The following AKAP7 variants were observed in gnomAD, a reference collection of about 807,000 sequenced individuals.
AKAP7 encodes the protein A kinase (PRKA) anchor protein 7.
A neutral mutation model predicts 39.5 loss-of-function variants in AKAP7; 39 were observed. The ratio of observed to expected loss-of-function variants is 0.99; its 90% CI spans 0.76 to 1.29. AKAP7 has a LOEUF of 1.29. Among genes scored for constraint, AKAP7 ranks in the 50% most tolerant of loss-of-function variants. The pLI is 0.00. For missense variants in AKAP7, 414 were observed against 407.7 expected, an observed-to-expected ratio of 1.02 and a Z score of -0.13; for synonymous variants, 140 against 139.1, an observed-to-expected ratio of 1.01 and a Z score of -0.05.
chr6:131,134,610 T>C (rs1469854957), upstream of AKAP7, among the ~76,000 whole-genome samples: 1 of 152,236 alleles, frequency 6.6e-6, no homozygotes, highest in Admixed American at 6.5e-5. Flanking sequence ...TTAGGGGAAC[T>C]GGTTGTACTT....
chr6:131,252,262 A>G (rs1812503523), intron 7 of AKAP7, among the ~76,000 whole-genome samples: 1 of 152,198 alleles, frequency 6.6e-6, no homozygotes, highest in Non-Finnish European at 1.5e-5. Flanking sequence ...AAACTTTAAG[A>G]AAAAAATGAA....
chr6:131,220,096 T>C (rs996792957), intron 7 of AKAP7, among the ~76,000 whole-genome samples: 4 of 152,212 alleles, frequency 2.6e-5, no homozygotes, highest in African/African-American at 9.6e-5. Flanking sequence ...TAATTTTATT[T>C]CATGAACATG....
At chr6:131,266,032 G>A (rs911232849) in intron 7 of AKAP7, among the ~76,000 whole-genome samples, 3 of 152,172 alleles carry the variant, frequency 2.0e-5, no homozygotes, top group Non-Finnish European at 4.4e-5. Context: ...GGAAGCAGCT[G>A]GTGGTGAAAG....
chr6:131,277,543 G>A lies in AKAP7; in HGVS notation c.851-3987G>A, dbSNP rs117530438. 6.7e-3 allele frequency among the ~76,000 whole-genome samples: 1,024 copies of A among 152,316 alleles called. 7 individuals carry two copies. The highest frequency in any genetic ancestry group is 0.011 in the Non-Finnish European group (739 of 68,026). ...AATGAGTGTAGCCATTTGTCTGAGAGCTCACTGAGAGACAGATACTTGTCA... is the reference window on the plus strand; with the variant it reads ...AATGAGTGTAGCCATTTGTCTGAGAACTCACTGAGAGACAGATACTTGTCA... On this transcript the variant is annotated intron_variant, in intron 7 of 7. Coordinates refer to ENST00000431975, the MANE Select transcript of AKAP7 (RefSeq NM_016377.4).
chr6:131,250,393 A>G (rs1562243579), intron 7 of AKAP7: 1 of 1,446,868 alleles, frequency 6.9e-7, no homozygotes, highest in African/African-American at 1.4e-5. Context: ...CACGGCAGCA[A>G]GTTCCCTTCT....
chr6:131,271,390 T>G (rs1285650476), intron 7 of AKAP7, among the ~76,000 whole-genome samples: 1 of 152,094 alleles, frequency 6.6e-6, no homozygotes, highest in Non-Finnish European at 1.5e-5. Flanking sequence ...GGATTTTTTT[T>G]GTTTTGTTTT....
upstream of AKAP7, among the ~76,000 whole-genome samples, chr6:131,134,420 T>G (rs978677002): frequency 2.0e-5 from 3 of 152,252 alleles, no homozygotes; most frequent in Admixed American, 2.0e-4. Flanking sequence ...TATGCTGAAG[T>G]GGCATATTTG....
At chr6:131,143,669 T>C (rs1801230905) in intron 1 of AKAP7, among the ~76,000 whole-genome samples, 1 of 152,096 alleles carries the variant, frequency 6.6e-6, no homozygotes, top group Admixed American at 6.5e-5. Flanking sequence ...CAAATTGCAG[T>C]AAAAATGTGT....
At chr6:131,129,804 G>A in the AKAP7 span, among the ~76,000 whole-genome samples, 1 of 152,170 alleles carries the variant, frequency 6.6e-6, no homozygotes, top group African/African-American at 2.4e-5. Context: ...GTCACCAAGG[G>A]TCCCAGTTAG....
chr6:131,197,007 A>T (rs979311840), intron 5 of AKAP7, among the ~76,000 whole-genome samples: 12 of 152,128 alleles, frequency 7.9e-5, no homozygotes, highest in African/African-American at 2.9e-4. Flanking sequence ...ATCCCAAAGT[A>T]TTCTATACTA....
chr6:131,188,535 G>A (rs565914614), intron 5 of AKAP7, among the ~76,000 whole-genome samples: 9 of 152,078 alleles, frequency 5.9e-5, no homozygotes, highest in African/African-American at 1.9e-4. Flanking sequence ...TAGTTTTGTT[G>A]TTGTTGTTGT....
chr6:131,192,521 T>G (rs1190797), intron 5 of AKAP7, among the ~76,000 whole-genome samples: 1 of 152,198 alleles, frequency 6.6e-6, no homozygotes, highest in Non-Finnish European at 1.5e-5. Context: ...TTAAGTAATA[T>G]GATTCCTCCA....
intron 6 of AKAP7, among the ~76,000 whole-genome samples, chr6:131,217,397 C>G (rs1169072838): frequency 6.6e-6 from 1 of 151,880 alleles, no homozygotes; most frequent in African/African-American, 2.4e-5. Context: ...AAATATATTG[C>G]CAAACAAAAA....
In AKAP7 at chr6:131,215,012, TG is replaced by T. The variant is rs75426171; in HGVS notation, c.703-4647del. ...TTATCTGTGGATAATAGTGTTATTG[TG>T]GTTATTAAATGAGTTCAGAAAAGTT... is the stretch of plus-strand genomic sequence containing the variant. On this transcript the variant is annotated intron_variant, in intron 6 of 7. Transcript: ENST00000431975. Among the ~76,000 whole-genome samples the T allele has an allele frequency of 0.014, 2,166 of 152,318 alleles. 145 individuals are homozygous for T. The East Asian group carries it at 0.18, about 12-fold the overall frequency.
At chr6:131,263,229 A>G (rs972170070) in intron 7 of AKAP7, among the ~76,000 whole-genome samples, 1 of 152,222 alleles carries the variant, frequency 6.6e-6, no homozygotes, top group African/African-American at 2.4e-5. Flanking sequence ...AGACCAACTT[A>G]CAGACACCAC....
At chr6:131,270,509 A>G (rs1814179358) in intron 7 of AKAP7, among the ~76,000 whole-genome samples, 2 of 152,210 alleles carry the variant, frequency 1.3e-5, no homozygotes, top group Admixed American at 6.6e-5. Flanking sequence ...ATAATTATGA[A>G]TAAAGCTACT....
At chr6:131,172,246 A>G (rs1804137503) in intron 5 of AKAP7, among the ~76,000 whole-genome samples, 2 of 152,250 alleles carry the variant, frequency 1.3e-5, no homozygotes, top group Non-Finnish European at 2.9e-5. Context: ...TAACAAGAAC[A>G]GTAGAGACAT....
chr6:131,149,583 C>T (rs909333559), intron 2 of AKAP7, among the ~76,000 whole-genome samples: 10 of 152,096 alleles, frequency 6.6e-5, no homozygotes, highest in South Asian at 2.1e-4. Context: ...TGCAGTGAGC[C>T]GAGATTGCGC....
intron 7 of AKAP7, among the ~76,000 whole-genome samples, chr6:131,247,002 C>A (rs1237278171): frequency 1.3e-5 from 2 of 151,968 alleles, no homozygotes; most frequent in Admixed American, 6.6e-5. Flanking sequence ...CTTTGCTGAG[C>A]TTACGTTTTT....
Sources: allele counts gnomAD v4.1 joint callset (sites outside exome capture counted in the v4.1 genomes callset), GRCh38; gene constraint gnomAD v4.1.1; transcripts MANE v1.5; gene names NCBI Gene and HGNC (gene_info 2026-07-23, HGNC 2026-07-21).